Variants in GOLGA8B observed in about 807,000 individuals in gnomAD.
GOLGA8B encodes the protein golgin A8 family member B.
GOLGA8B carries 1 observed loss-of-function variant against 15.6 expected under a neutral mutation model. The ratio of observed to expected loss-of-function variants is 0.06; its 90% CI spans 0.02 to 0.30. GOLGA8B has a LOEUF of 0.30. Among genes scored for constraint, GOLGA8B ranks in the 10% least tolerant of loss-of-function variants. The probability of loss-of-function intolerance (pLI) is 1.00; values close to 1 mark genes in which losing one functional copy is unlikely to be tolerated. For missense variants in GOLGA8B, 17 were observed against 201.3 expected, an observed-to-expected ratio of 0.08 and a Z score of 5.54; for synonymous variants, 9 against 80.3, an observed-to-expected ratio of 0.11 and a Z score of 4.75.
chr15:34,578,869 G>C (rs1889154576), intron 1 of GOLGA8B, among the ~76,000 whole-genome samples: 1 of 152,004 alleles, frequency 6.6e-6, no homozygotes, highest in African/African-American at 2.4e-5. Flanking sequence ...CAAAACAACA[G>C]ATGCACCACC....
intron 1 of GOLGA8B, among the ~76,000 whole-genome samples, chr15:34,580,587 G>A (rs1370920118): frequency 6.6e-6 from 1 of 152,144 alleles, no homozygotes; most frequent in East Asian, 1.9e-4. Flanking sequence ...CTTCAGGAGA[G>A]GCGAGAAGCG....
chr15:34,527,332 C>CT lies in GOLGA8B; in HGVS notation c.*299dup, dbSNP rs1888080455. The CT allele has an allele frequency of 4.9e-6, 2 of 410,036 alleles. No homozygotes were observed. The highest frequency in any genetic ancestry group is 4.2e-5 in the African/African-American group (2 of 47,346). The allele number at this position is 410,036 out of a possible 1,614,324, so 25.4% of individuals were successfully genotyped here. A position where few individuals can be genotyped will look rare whatever the true frequency, so the allele number is the denominator to read the frequency against. Reference sequence around the variant, plus strand: ...GAACAGTTTTGTGCAAAGAGTGGGTCTTTGTGTGTTTGAACTCCCACCACG... The same window carrying CT: ...GAACAGTTTTGTGCAAAGAGTGGGTCTTTTGTGTGTTTGAACTCCCACCACG... On this transcript the variant is annotated 3_prime_UTR_variant, in exon 24 of 24. Transcript: ENST00000683415.
At chr15:34,581,218 A>T (rs1374369078) in intron 1 of GOLGA8B, among the ~76,000 whole-genome samples, 2 of 152,228 alleles carry the variant, frequency 1.3e-5, no homozygotes, top group Non-Finnish European at 2.9e-5. Context: ...GGCAGAGGAC[A>T]GCGAGGAGTG....
chr15:34,526,192 A>T lies in GOLGA8B; in HGVS notation c.*1440T>A, dbSNP rs57021600. 4.0e-5 allele frequency: 6 copies of T among 149,856 alleles called. 1 individual carries two copies. The Admixed American group carries it at 4.1e-4, about 10-fold the overall frequency. The allele number at this position is 149,856 out of a possible 1,614,324, so 9.3% of individuals were successfully genotyped here. A position where few individuals can be genotyped will look rare whatever the true frequency, so the allele number is the denominator to read the frequency against. ...GAAATACAACTCTGCGATCGTATAG[A>T]CATGTTTCCTGATAATACATTGACA... On this transcript the variant is annotated 3_prime_UTR_variant, in exon 24 of 24. Transcript: ENST00000683415.
intron 1 of GOLGA8B, chr15:34,556,820 G>C (rs1421357315): frequency 4.7e-6 from 3 of 636,616 alleles, no homozygotes; most frequent in African/African-American, 3.7e-5. Context: ...CGAGCAGGTA[G>C]GACTCTAGCT....
At chr15:34,579,254 C>T (rs539053178) in intron 1 of GOLGA8B, among the ~76,000 whole-genome samples, 102 of 152,038 alleles carry the variant, frequency 6.7e-4, no homozygotes, top group Middle Eastern at 3.4e-3. Context: ...GCATCTTCTC[C>T]AACCAGGCCA....
intron 1 of GOLGA8B, chr15:34,574,726 G>C (rs1217636930): frequency 2.0e-5 from 3 of 152,438 alleles, no homozygotes; most frequent in Non-Finnish European, 2.9e-5. Flanking sequence ...ATAATGAAGC[G>C]GGCATGGGCC....
chr15:34,543,244 C>T (rs1204652072), intron 7 of GOLGA8B, among the ~76,000 whole-genome samples: 3 of 132,492 alleles, frequency 2.3e-5, no homozygotes, highest in East Asian at 4.6e-4. Flanking sequence ...TGTAGTGGCA[C>T]GAACCTGCAG....
At chr15:34,583,114 C>T (rs116271799) in intron 1 of GOLGA8B, among the ~76,000 whole-genome samples, 5,903 of 152,172 alleles carry the variant, frequency 0.039, 387 homozygotes, top group African/African-American at 0.13. Context: ...GACTTGATGC[C>T]GGCGTCAAGC....
At position 34,575,906 on chromosome 15, in the gene GOLGA8B, G is replaced by T. The variant is rs138488721; in HGVS notation, c.-1123+7610C>A. On this transcript the variant is annotated intron_variant, in intron 1 of 23. Transcript: ENST00000683415. ...AAAGCTGGAATATAGTAGCTGCTTG[G>T]AAAATACCTACTGAGTGCATGGGTG... Among the ~76,000 whole-genome samples, 8 of 152,324 alleles carry T rather than the reference G, an allele frequency of 5.3e-5. No individual in the cohort carries two copies. The East Asian group carries it at 1.5e-3, about 29-fold the overall frequency.
In GOLGA8B at chr15:34,527,246, T is replaced by G; in HGVS notation, c.*386A>C. The G allele has an allele frequency of 2.9e-6, 1 of 344,246 alleles. No homozygotes were observed. Among genetic ancestry groups the G allele is most frequent in the Non-Finnish European group, 5.5e-6 (1 of 181,526 alleles). 21.3% of individuals were successfully genotyped at this position (344,246 alleles called of 1,614,324 possible). ...ATTAGCAAATTTTATCTGAATTCTG[T>G]AATGAACATCCATGCTGCAATAACA... On this transcript the variant is annotated 3_prime_UTR_variant, in exon 24 of 24. Transcript: ENST00000683415.
At position 34,570,536 on chromosome 15, in the gene GOLGA8B, G is replaced by C. The variant is rs530775055; in HGVS notation, c.-1123+12980C>G. Among the ~76,000 whole-genome samples, 4 of 109,558 alleles carry C rather than the reference G, an allele frequency of 3.7e-5. No individual in the cohort carries two copies. In the East Asian group the frequency reaches 9.6e-4, roughly 26 times the overall value. 71.9% of individuals were successfully genotyped at this position (109,558 alleles called of 152,430 possible). A position where few individuals can be genotyped will look rare whatever the true frequency, so the allele number is the denominator to read the frequency against. ...GACCATGAAGCAGAAAGGCCCTCCT[G>C]AGGAGGGCCCCAGGGATCGCAGAGT... On this transcript the variant is annotated intron_variant, in intron 1 of 23. Transcript: ENST00000683415.
rs1383778016 is a variant in GOLGA8B, at chr15:34,526,933, C to G, written c.*699G>C. On this transcript the variant is annotated 3_prime_UTR_variant, in exon 24 of 24. Transcript: ENST00000683415. ...ACAGTACAGTGCTCATTCTTGGCAC[C>G]GGAACAGATGAAACACACTGTATCC... 1 of 153,114 alleles carries G rather than the reference C, an allele frequency of 6.5e-6. No individual in the cohort carries two copies. Among genetic ancestry groups the G allele is most frequent in the Non-Finnish European group, 1.4e-5 (1 of 69,898 alleles). The allele number at this position is 153,114 out of a possible 1,614,324, so 9.5% of individuals were successfully genotyped here.
chr15:34,573,086 C>A (rs1351050378), intron 1 of GOLGA8B, among the ~76,000 whole-genome samples: 1 of 152,202 alleles, frequency 6.6e-6, no homozygotes, highest in Non-Finnish European at 1.5e-5. Context: ...ACCTCCATCT[C>A]AAAATGCAAA....
intron 1 of GOLGA8B, among the ~76,000 whole-genome samples, chr15:34,569,794 T>G (rs1014526264): frequency 1.3e-4 from 19 of 151,030 alleles, no homozygotes; most frequent in African/African-American, 4.4e-4. Flanking sequence ...CACGAGGAAC[T>G]CACAGCAACT....
chr15:34,578,605 C>T (rs1368931695), intron 1 of GOLGA8B, among the ~76,000 whole-genome samples: 19 of 152,082 alleles, frequency 1.2e-4, no homozygotes, highest in Admixed American at 1.1e-3. Flanking sequence ...CTCCTCGTCG[C>T]GAAGTTAAGA....
intron 1 of GOLGA8B, among the ~76,000 whole-genome samples, chr15:34,557,668 G>C (rs1271240193): frequency 9.2e-6 from 1 of 108,298 alleles, no homozygotes; most frequent in Non-Finnish European, 2.0e-5. Flanking sequence ...GTGTGTGTGT[G>C]TGTGTGTGTG....
intron 1 of GOLGA8B, among the ~76,000 whole-genome samples, chr15:34,564,992 C>T (rs1327841025): frequency 4.2e-5 from 6 of 144,014 alleles, no homozygotes; most frequent in African/African-American, 7.4e-5. Context: ...GGCAGCAGGA[C>T]GGCCTGTGCC....
rs1357899958 is a variant in GOLGA8B at position 34,526,700 on chromosome 15, G to A, written c.*932C>T. On this transcript the variant is annotated 3_prime_UTR_variant, in exon 24 of 24. Transcript: ENST00000683415. ...GACAGGTAGTCATGTGATTAAAACA[G>A]GGAACACGAACTCTGACTTTAAAAT... The A allele has an allele frequency of 1.3e-5, 2 of 149,380 alleles. No homozygotes were observed. The highest frequency in any genetic ancestry group is 3.0e-5 in the Non-Finnish European group (2 of 67,270). 9.3% of individuals were successfully genotyped at this position (149,380 alleles called of 1,614,324 possible).
Sources: allele counts gnomAD v4.1 joint callset (sites outside exome capture counted in the v4.1 genomes callset), GRCh38; gene constraint gnomAD v4.1.1; transcripts MANE v1.5; gene names NCBI Gene and HGNC (gene_info 2026-07-23, HGNC 2026-07-21).